Variants in LATS2 observed in about 807,000 individuals in gnomAD.
LATS2 encodes large tumor suppressor kinase 2, also known as serine/threonine-protein kinase LATS2.
LATS2 carries 24 observed loss-of-function variants against 76.0 expected under a neutral mutation model. That is an observed-to-expected ratio of 0.32 (90% CI 0.23 to 0.44). The LOEUF is 0.44. LATS2 is among the 20% of genes least tolerant of loss of function. The probability of loss-of-function intolerance (pLI) is 1.00; values close to 1 mark genes in which losing one functional copy is unlikely to be tolerated. For synonymous variants in LATS2, 692 were observed against 635.4 expected, an observed-to-expected ratio of 1.09 and a Z score of -1.34; for missense variants, 1,286 against 1,481.2, an observed-to-expected ratio of 0.87 and a Z score of 2.16.
chr13:20,990,154 C>T (rs1437983489), intron 3 of LATS2, among the ~76,000 whole-genome samples: 1 of 152,170 alleles, frequency 6.6e-6, no homozygotes, highest in African/African-American at 2.4e-5. Context: ...GCTTTGTTTT[C>T]CCTGGGCCCA....
intron 1 of LATS2, among the ~76,000 whole-genome samples, chr13:21,051,701 G>A (rs1565966895): frequency 6.6e-6 from 1 of 152,184 alleles, no homozygotes; most frequent in African/African-American, 2.4e-5. Context: ...GCTCACACAT[G>A]TAATCCTGGC....
At chr13:21,056,901 TG>T (rs1169144592) in intron 1 of LATS2, among the ~76,000 whole-genome samples, 1 of 152,184 alleles carries the variant, frequency 6.6e-6, no homozygotes, top group Non-Finnish European at 1.5e-5. Flanking sequence ...TCTTGGAGCC[TG>T]GAACTTCCAA....
At chr13:20,977,181 A>C (rs1053486396) in intron 7 of LATS2, among the ~76,000 whole-genome samples, 1 of 152,110 alleles carries the variant, frequency 6.6e-6, no homozygotes, top group Non-Finnish European at 1.5e-5. Context: ...GGATAACTTG[A>C]GGTCAGGAGT....
intron 2 of LATS2, chr13:21,018,202 G>GA (rs2138354531): frequency 6.6e-6 from 1 of 152,270 alleles, no homozygotes; most frequent in Non-Finnish European, 1.5e-5. Context: ...AAAATACTTA[G>GA]AATTCACTTA....
chr13:21,030,591 C>CAAAA (rs374884189), intron 2 of LATS2, among the ~76,000 whole-genome samples: 5 of 25,702 alleles, frequency 1.9e-4, no homozygotes, highest in African/African-American at 2.1e-4. Context: ...GACTCCGTCT[C>CAAAA]AAAAAAAAAA....
At chr13:20,989,419 T>C (rs1870412061) in intron 3 of LATS2, 115 bp from the exon 4 acceptor site, 2 of 1,110,084 alleles carry the variant, frequency 1.8e-6, no homozygotes, top group East Asian at 2.5e-5. Flanking sequence ...TCTTGAACCC[T>C]GGGCCCTGAC....
At chr13:21,036,503 G>A (rs898902441) in intron 2 of LATS2, among the ~76,000 whole-genome samples, 26 of 152,018 alleles carry the variant, frequency 1.7e-4, no homozygotes, top group Admixed American at 5.2e-4. Flanking sequence ...CAGCCCTTGC[G>A]GTGGCTCACG....
intron 1 of LATS2, among the ~76,000 whole-genome samples, chr13:21,058,888 T>A (rs1416054736): frequency 6.6e-6 from 1 of 151,952 alleles, no homozygotes; most frequent in African/African-American, 2.4e-5. Flanking sequence ...AGTTTATACG[T>A]TCTCATTTTG....
rs1286908112 is a variant in LATS2, at chr13:20,988,514, GGCCTTGCCAGGC to G, written c.1254_1265del (p.Pro419_Ala422del). On this transcript the variant is annotated inframe_deletion, in exon 4 of 8. Coordinates refer to ENST00000382592, the MANE Select transcript of LATS2 (RefSeq NM_014572.3). ...TGTTGGGGGCGGGCAGGGAGGGCTC[GGCCTTGCCAGGC>G]GGACCGGGCCGCGGCTGGTGGCTGT... is the stretch of plus-strand genomic sequence containing the variant. 3 of 1,561,170 alleles carry G rather than the reference GGCCTTGCCAGGC, an allele frequency of 1.9e-6. No individual in the cohort carries two copies. Among genetic ancestry groups the G allele is most frequent in the Admixed American group, 1.9e-5 (1 of 53,226 alleles).
intron 4 of LATS2, 123 bp downstream of exon 4, chr13:20,987,758 G>T (rs1870223841): frequency 3.5e-6 from 4 of 1,128,112 alleles, no homozygotes; most frequent in South Asian, 3.1e-5. Context: ...CCAGACTGTC[G>T]CCCATTAGCC....
intron 2 of LATS2, among the ~76,000 whole-genome samples, chr13:21,033,896 T>C (rs1221418785): frequency 1.3e-5 from 2 of 152,052 alleles, no homozygotes; most frequent in African/African-American, 2.4e-5. Context: ...CACCCAAATA[T>C]ATATCAAAAC....
chr13:21,053,711 C>T (rs1016731741), intron 1 of LATS2, among the ~76,000 whole-genome samples: 4 of 152,062 alleles, frequency 2.6e-5, no homozygotes, highest in Admixed American at 6.5e-5. Flanking sequence ...GAACAAAAGT[C>T]GCAGAACTAT....
At chr13:21,040,493 T>G (rs1156864846) in intron 2 of LATS2, among the ~76,000 whole-genome samples, 1 of 152,018 alleles carries the variant, frequency 6.6e-6, no homozygotes, top group Non-Finnish European at 1.5e-5. Flanking sequence ...TAAAAAGGAA[T>G]CTGAGTGGAA....
At chr13:20,989,381 A>C in intron 3 of LATS2, 77 bp from the exon 4 acceptor site, 6 of 1,484,924 alleles carry the variant, frequency 4.0e-6, no homozygotes, top group Non-Finnish European at 5.6e-6. Flanking sequence ...GCTGGTCCCC[A>C]CTCTAGCGCT....
Position 20,988,252 on chromosome 13 carries a change from C to T in LATS2, c.1528G>A (p.Asp510Asn). ...TAGGGCGGAGGCGGGCACCTCCGGT[C>T]TGGGCCTCCGTACTCCACGTCCAGC... is the stretch of plus-strand genomic sequence containing the variant. ...FPLDVEYGGP[D>N]RRCPPPPYPK... is the part of the protein sequence containing the mutation. Residue 510 changes from aspartate (D) to asparagine (N), a missense_variant, in exon 4 of 8, where the codon GAC becomes AAC. Coordinates refer to ENST00000382592, the MANE Select transcript of LATS2 (RefSeq NM_014572.3). 2 of 1,601,254 alleles carry T rather than the reference C, an allele frequency of 1.2e-6. No individual in the cohort carries two copies. Among genetic ancestry groups the T allele is most frequent in the Non-Finnish European group, 1.7e-6 (2 of 1,178,884 alleles).
chr13:20,983,275 C>T lies in LATS2; in HGVS notation c.2431G>A (p.Gly811Ser), dbSNP rs1284836425. The T allele has an allele frequency of 1.2e-6, 2 of 1,613,540 alleles. No homozygotes were observed. The highest frequency in any genetic ancestry group is 1.6e-4 in the Middle Eastern group (1 of 6,062). Residue 811 changes from glycine (G) to serine (S), a missense_variant, in exon 5 of 8, where the codon GGC (glycine) becomes AGC (serine). Gly to Ser is a moderately conservative substitution (Grantham distance 56). Transcript: ENST00000382592. ...GTCCACCTGAACCCAGTGCAGAGGC[C>T]GAAATCTGTGAGTTTAATGTGACCA... ...LDGHIKLTDF[G>S]LCTGFRWTHN...
At chr13:21,009,928 G>T (rs1047190353) in intron 2 of LATS2, among the ~76,000 whole-genome samples, 2 of 152,172 alleles carry the variant, frequency 1.3e-5, no homozygotes, top group African/African-American at 4.8e-5. Flanking sequence ...GGCCAGGCGT[G>T]GTGGCTCATG....
At chr13:21,009,163 A>G (rs1267682083) in intron 2 of LATS2, among the ~76,000 whole-genome samples, 1 of 152,234 alleles carries the variant, frequency 6.6e-6, no homozygotes, top group East Asian at 1.9e-4. Context: ...TGAGTGATGA[A>G]TGAACAAACG....
chr13:21,035,382 T>C (rs574754831), intron 2 of LATS2, among the ~76,000 whole-genome samples: 1 of 152,338 alleles, frequency 6.6e-6, no homozygotes, highest in South Asian at 2.1e-4. Flanking sequence ...TACATCCTTG[T>C]TGGTTTTCTC....
Sources: allele counts gnomAD v4.1 joint callset (sites outside exome capture counted in the v4.1 genomes callset), GRCh38; gene constraint gnomAD v4.1.1; transcripts MANE v1.5; gene names NCBI Gene and HGNC (gene_info 2026-07-23, HGNC 2026-07-21).